ODR4: variants seen among roughly 807,000 people sequenced by gnomAD.
ODR4 encodes odr-4 GPCR localization factor homolog.
In ODR4, 47 loss-of-function variants were observed where a neutral mutation model predicts 60.2. The ratio of observed to expected loss-of-function variants is 0.78; its 90% CI spans 0.62 to 1.00. The LOEUF is 1.00. ODR4 is among the 50% of genes least tolerant of loss of function. The pLI is 0.00. For synonymous variants in ODR4, 178 were observed against 175.5 expected, an observed-to-expected ratio of 1.01 and a Z score of -0.11; for missense variants, 488 against 530.8, an observed-to-expected ratio of 0.92 and a Z score of 0.79.
downstream of ODR4, among the ~76,000 whole-genome samples, chr1:186,421,879 A>AAG (rs59883604): frequency 0.38 from 51,092 of 134,194 alleles, 10,968 homozygotes; most frequent in Non-Finnish European, 0.44. Flanking sequence ...AAAAAAAAAA[A>AAG]ATGATGAATC....
At chr1:186,385,935 A>G in intron 3 of ODR4, 53 bp from the exon 4 acceptor site, 1 of 1,118,496 alleles carries the variant, frequency 8.9e-7, no homozygotes, top group South Asian at 1.4e-5. Flanking sequence ...CTCAAACAGA[A>G]AGGATTGCAT....
rs189431947 is a variant in ODR4, at chr1:186,380,309, T to C, written c.99+425T>C. On this transcript the variant is annotated intron_variant, in intron 2 of 13. Coordinates refer to ENST00000287859, the MANE Select transcript of ODR4 (RefSeq NM_017847.6). ...TTTGTGTTGTCTTATATCAGACTTATGGCAACAGTGGTCATATTTTTGTTG... is the reference window on the plus strand; with the variant it reads ...TTTGTGTTGTCTTATATCAGACTTACGGCAACAGTGGTCATATTTTTGTTG... Among the ~76,000 whole-genome samples, 14 of 152,330 alleles carry C rather than the reference T, an allele frequency of 9.2e-5. No individual in the cohort carries two copies. The East Asian group carries it at 1.9e-3, about 21-fold the overall frequency.
chr1:186,398,418 C>A lies in ODR4; in HGVS notation c.886C>A (p.Pro296Thr). ...CAGAGCTTATATCCACAGCAGTAAA[C>A]CCAAAGTTAAAGATGCTGTGCAGGT... ...KCRAYIHSSK[P>T]KVKDAVQAVK... is the part of the protein sequence containing the mutation. The change falls in exon 10 of 14, where the codon CCC becomes ACC. Residue 296 changes from proline to threonine, a missense_variant. Coordinates refer to ENST00000287859, the MANE Select transcript of ODR4 (RefSeq NM_017847.6). The A allele has an allele frequency of 3.1e-6, 5 of 1,606,070 alleles. No homozygotes were observed. Among genetic ancestry groups the A allele is most frequent in the Non-Finnish European group, 4.3e-6 (5 of 1,175,592 alleles).
intron 13 of ODR4, 116 bp from the exon 14 acceptor site, chr1:186,418,893 T>A: frequency 1.3e-6 from 1 of 778,768 alleles, no homozygotes; most frequent in Non-Finnish European, 2.2e-6. Context: ...TATGATTGTG[T>A]GTTTGTGTAT....
chr1:186,409,505 C>T (rs1278427119), intron 12 of ODR4, among the ~76,000 whole-genome samples: 1 of 152,190 alleles, frequency 6.6e-6, no homozygotes, highest in African/African-American at 2.4e-5. Context: ...GTCCAAAGAA[C>T]AACAAAATGC....
chr1:186,407,385 T>C (rs188497374), intron 12 of ODR4, among the ~76,000 whole-genome samples: 59 of 152,286 alleles, frequency 3.9e-4, no homozygotes, highest in African/African-American at 1.4e-3. Context: ...GTGACTGCAT[T>C]ATCTCTGCCA....
At chr1:186,412,864 CATT>C (rs1661425047) in intron 12 of ODR4, among the ~76,000 whole-genome samples, 1 of 152,094 alleles carries the variant, frequency 6.6e-6, no homozygotes, top group South Asian at 2.1e-4. Context: ...GATATTAACA[CATT>C]ATTAGGCTTT....
chr1:186,376,917 G>C (rs1659796431), intron 1 of ODR4, among the ~76,000 whole-genome samples: 1 of 152,180 alleles, frequency 6.6e-6, no homozygotes, highest in South Asian at 2.1e-4. Context: ...AGTTGTGTCA[G>C]TCACAGTGCT....
Position 186,393,934 on chromosome 1 carries a change from TG to T in ODR4, c.712-12del, listed in dbSNP as rs755739523. ...CTTCACAGTTTGGCTTTTTAACTTT[TG>T]TGTTTTTTCAGAAAAAATCTTCTAG... On this transcript the variant is annotated splice_polypyrimidine_tract_variant and intron_variant, in intron 8 of 13. Coordinates refer to ENST00000287859, the MANE Select transcript of ODR4 (RefSeq NM_017847.6). The T allele has an allele frequency of 3.8e-5, 56 of 1,466,720 alleles. No individual in the cohort carries two copies. The highest frequency in any genetic ancestry group is 4.5e-5 in the Non-Finnish European group (48 of 1,072,754). The allele number at this position is 1,466,720 out of a possible 1,614,324, so 90.9% of individuals were successfully genotyped here.
chr1:186,399,294 C>A, intron 11 of ODR4: 2 of 475,632 alleles, frequency 4.2e-6, no homozygotes, highest in African/African-American at 2.0e-5. Flanking sequence ...CAGCCTCAGC[C>A]TCTTGGGCTC....
rs901993111 is a variant in ODR4 at position 186,417,301 on chromosome 1, G to C, written c.1187-243G>C. The stretch of plus-strand genomic sequence containing the variant: ...TTTTGAAAGTCATTCAGAACTGGCT[G>C]TGTGGCCCTCTGGTTTAGTTCAATG... On this transcript the variant is annotated intron_variant, in intron 12 of 13. Transcript: ENST00000287859. 1.1e-5 allele frequency: 4 copies of C among 364,286 alleles called. No homozygotes were observed. In the South Asian group the frequency reaches 1.1e-4, roughly 10 times the overall value. The allele number at this position is 364,286 out of a possible 1,614,324, so 22.6% of individuals were successfully genotyped here.
At chr1:186,387,652 A>G (rs1660304644) in intron 4 of ODR4, among the ~76,000 whole-genome samples, 1 of 152,174 alleles carries the variant, frequency 6.6e-6, no homozygotes, top group Admixed American at 6.5e-5. Context: ...ATCATATTAC[A>G]TTAATATTGT....
At chr1:186,378,895 TAAA>T (rs975353850) in intron 1 of ODR4, among the ~76,000 whole-genome samples, 58 of 152,374 alleles carry the variant, frequency 3.8e-4, no homozygotes, top group Admixed American at 2.7e-3. Flanking sequence ...TTTATCTACT[TAAA>T]TAACTCTTAC....
intron 5 of ODR4, 91 bp downstream of exon 5, chr1:186,388,639 T>TA: frequency 3.0e-6 from 2 of 674,696 alleles, no homozygotes; most frequent in South Asian, 5.2e-5. Flanking sequence ...AATCATCATT[T>TA]AAAAAATAGG....
At chr1:186,407,076 C>G (rs951406317) in intron 12 of ODR4, among the ~76,000 whole-genome samples, 1 of 152,052 alleles carries the variant, frequency 6.6e-6, no homozygotes, top group East Asian at 1.9e-4. Context: ...TAAACTGCCT[C>G]AAGTTAGTTG....
chr1:186,406,700 T>C (rs1661186050), intron 12 of ODR4, among the ~76,000 whole-genome samples: 1 of 152,002 alleles, frequency 6.6e-6, no homozygotes, highest in Non-Finnish European at 1.5e-5. Flanking sequence ...TTTTTTTTCA[T>C]ATACCTTTCA....
At chr1:186,421,995 G>GTAAGAT (rs1436811237), downstream of ODR4, among the ~76,000 whole-genome samples, 6 of 151,788 alleles carry the variant, frequency 4.0e-5, no homozygotes, top group African/African-American at 1.5e-4. Flanking sequence ...AAGTTAGAAA[G>GTAAGAT]TAAGATAATA....
At chr1:186,423,443 C>CTTTTTTTTT (rs34515188), downstream of ODR4, among the ~76,000 whole-genome samples, 4 of 44,738 alleles carry the variant, frequency 8.9e-5, 1 homozygote, top group African/African-American at 1.5e-4. Context: ...ACTACTTGTG[C>CTTTTTTTTT]TTTTTTTTTT....
downstream of ODR4, among the ~76,000 whole-genome samples, chr1:186,424,073 G>A (rs1228610777): frequency 6.6e-6 from 1 of 152,078 alleles, no homozygotes; most frequent in East Asian, 1.9e-4. Context: ...CTACATAAAT[G>A]CCTTAGAGAA....
Sources: gnomAD v4.1 joint callset for allele counts (sites outside exome capture counted in the v4.1 genomes callset) on GRCh38, gnomAD v4.1.1 for gene constraint, MANE v1.5 for transcripts, NCBI Gene and HGNC (gene_info 2026-07-23, HGNC 2026-07-21) for gene names.